ABRA: variants seen among roughly 807,000 people sequenced by gnomAD.
ABRA encodes the protein actin binding Rho activating protein, also known as actin-binding Rho-activating protein.
In ABRA, 25 loss-of-function variants were observed where a neutral mutation model predicts 33.4. The observed-to-expected ratio is 0.75, with a 90% CI of 0.55 to 1.04. The LOEUF (loss-of-function observed/expected upper bound fraction) is 1.04, where lower values mean the gene tolerates loss of function less well. ABRA is among the 50% of genes least tolerant of loss of function. The probability of loss-of-function intolerance (pLI) is 0.00; values close to 1 mark genes in which losing one functional copy is unlikely to be tolerated. For missense variants in ABRA, 501 were observed against 491.7 expected (o/e 1.02, Z -0.18); for synonymous variants, 193 against 176.8 (o/e 1.09, Z -0.73).
At chr8:106,764,003 T>C (rs1836173547) in intron 1 of ABRA, among the ~76,000 whole-genome samples, 1 of 152,242 alleles carries the variant, frequency 6.6e-6, no homozygotes, top group Non-Finnish European at 1.5e-5. Flanking sequence ...TTTGGGTTTA[T>C]GGTACAATCA....
chr8:106,761,189 T>A lies in ABRA; in HGVS notation c.994A>T (p.Thr332Ser), dbSNP rs1307014275. ...TATCTGTCAAAGAGATCTCCAAAAG[T>A]AACCTGGATCTTGCCATCTCGTCTG... is the stretch of plus-strand genomic sequence containing the variant. Reference protein sequence around the residue: ...RHRRDGKIQVTFGDLFDRYVR... With the variant: ...RHRRDGKIQVSFGDLFDRYVR... Residue 332 changes from threonine (T) to serine (S), a missense_variant, in exon 2 of 2, where the codon ACT becomes TCT. Coordinates refer to ENST00000311955, the MANE Select transcript of ABRA (RefSeq NM_139166.5). 2 of 1,614,214 alleles carry A rather than the reference T, an allele frequency of 1.2e-6. No individual in the cohort carries two copies. The highest frequency in any genetic ancestry group is 1.7e-6 in the Non-Finnish European group (2 of 1,180,040).
At chr8:106,765,105 G>A (rs900668412) in intron 1 of ABRA, among the ~76,000 whole-genome samples, 6 of 152,130 alleles carry the variant, frequency 3.9e-5, no homozygotes, top group Non-Finnish European at 5.9e-5. Flanking sequence ...AGAAAGCAAA[G>A]CGATATTTAA....
Position 106,770,158 on chromosome 8 carries a change from G to C in ABRA, c.33C>G (p.Gly11=), listed in dbSNP as rs756369761. 6 of 1,611,934 alleles carry C rather than the reference G, an allele frequency of 3.7e-6. No homozygotes were observed. The highest frequency in any genetic ancestry group is 5.1e-6 in the Non-Finnish European group (6 of 1,179,658). Reference sequence around the variant, plus strand: ...TCTTCCGGAGGGCGCTCTTGGCTGGGCCCTCCCCGCTTTCCTTTTCGCCCG... The same window carrying C: ...TCTTCCGGAGGGCGCTCTTGGCTGGCCCCTCCCCGCTTTCCTTTTCGCCCG... MAPGEKESGE[G]PAKSALRKIR... The change falls in exon 1 of 2, where the codon GGC becomes GGG. Residue 11 remains glycine (G), a synonymous_variant. Transcript: ENST00000311955.
At chr8:106,761,977 T>C (rs1260227675) in intron 1 of ABRA, among the ~76,000 whole-genome samples, 2 of 152,176 alleles carry the variant, frequency 1.3e-5, no homozygotes, top group Non-Finnish European at 1.5e-5. Context: ...ATATAGATTT[T>C]TATATGTGGA....
In ABRA at chr8:106,770,036, A is replaced by G. The variant is rs1409695675; in HGVS notation, c.155T>C (p.Leu52Pro). ...IRQAQEPTGWLPGGTQDSPQA... is the reference protein window; with the variant it reads ...IRQAQEPTGWPPGGTQDSPQA... ...AGGTGAGTCCTGGGTCCCTCCCGGC[A>G]GCCAGCCTGTAGGCTCCTGGGCCTG... Residue 52 changes from leucine (L) to proline (P), a missense_variant, in exon 1 of 2, where the codon CTG becomes CCG. Coordinates refer to ENST00000311955, the MANE Select transcript of ABRA (RefSeq NM_139166.5). 1.2e-6 allele frequency: 2 copies of G among 1,614,060 alleles called. No homozygotes were observed. The highest frequency in any genetic ancestry group is 3.3e-5 in the Admixed American group (2 of 60,008).
At chr8:106,763,140 C>T (rs929364363) in intron 1 of ABRA, among the ~76,000 whole-genome samples, 3 of 152,282 alleles carry the variant, frequency 2.0e-5, no homozygotes, top group Non-Finnish European at 2.9e-5. Context: ...ACTCACTTCC[C>T]GAAATCTGGT....
chr8:106,765,456 T>C (rs961978332), intron 1 of ABRA, among the ~76,000 whole-genome samples: 1 of 152,212 alleles, frequency 6.6e-6, no homozygotes, highest in Non-Finnish European at 1.5e-5. Context: ...CTCCTCCTCA[T>C]GCAGGCACCC....
intron 1 of ABRA, among the ~76,000 whole-genome samples, chr8:106,762,898 G>A (rs1836157910): frequency 6.6e-6 from 1 of 151,990 alleles, no homozygotes; most frequent in African/African-American, 2.4e-5. Flanking sequence ...GTTAAAACAC[G>A]AACTCTTGAA....
Position 106,761,309 on chromosome 8 carries a change from C to T in ABRA, c.874G>A (p.Gly292Arg), listed in dbSNP as rs1836135229. 2 of 1,614,162 alleles carry T rather than the reference C, an allele frequency of 1.2e-6. No homozygotes were observed. The highest frequency in any genetic ancestry group is 1.7e-6 in the Non-Finnish European group (2 of 1,180,032). The change falls in exon 2 of 2, where the codon GGA (glycine) becomes AGA (arginine). Residue 292 changes from glycine to arginine, a missense_variant. By Grantham distance (125) the Gly-to-Arg change is moderately radical (BLOSUM62 -2). Transcript: ENST00000311955. ...GDEGYGRPKE[G>R]TKTAERAKRA... Reference sequence around the variant, plus strand: ...TTGGCCCTTTCAGCAGTTTTGGTTCCTTCTTTGGGGCGGCCATAGCCCTCA... The same window carrying T: ...TTGGCCCTTTCAGCAGTTTTGGTTCTTTCTTTGGGGCGGCCATAGCCCTCA...
At chr8:106,767,814 T>C (rs1810521355) in intron 1 of ABRA, among the ~76,000 whole-genome samples, 1 of 152,170 alleles carries the variant, frequency 6.6e-6, no homozygotes, top group Non-Finnish European at 1.5e-5. Context: ...AAGACAGCTC[T>C]TTAGGCCGCG....
chr8:106,768,322 A>G (rs1174899132), intron 1 of ABRA, among the ~76,000 whole-genome samples: 1 of 152,208 alleles, frequency 6.6e-6, no homozygotes, highest in Admixed American at 6.5e-5. Flanking sequence ...CTGTCTTGAA[A>G]TAAAGCACGT....
chr8:106,762,037 C>T (rs1254453091), intron 1 of ABRA, among the ~76,000 whole-genome samples: 3 of 152,094 alleles, frequency 2.0e-5, no homozygotes, highest in Non-Finnish European at 2.9e-5. Flanking sequence ...CCACAAACTT[C>T]GAAATATGAA....
intron 1 of ABRA, among the ~76,000 whole-genome samples, chr8:106,762,442 T>C (rs898419322): frequency 6.6e-6 from 1 of 152,220 alleles, no homozygotes; most frequent in African/African-American, 2.4e-5. Flanking sequence ...GTTTTAAATG[T>C]GTATATCTTT....
chr8:106,765,483 CAA>C (rs1034360791), intron 1 of ABRA, among the ~76,000 whole-genome samples: 4 of 152,180 alleles, frequency 2.6e-5, no homozygotes, highest in East Asian at 1.9e-4. Context: ...GTCAGGAAAG[CAA>C]AGAGTCTCTG....
chr8:106,768,860 C>A (rs1484648470), intron 1 of ABRA, among the ~76,000 whole-genome samples: 1 of 152,176 alleles, frequency 6.6e-6, no homozygotes, highest in African/African-American at 2.4e-5. Flanking sequence ...TGGTCTCAAA[C>A]TCCTGGCCTC....
At chr8:106,767,828 G>C (rs1210297925) in intron 1 of ABRA, among the ~76,000 whole-genome samples, 6 of 152,066 alleles carry the variant, frequency 3.9e-5, no homozygotes, top group Non-Finnish European at 7.4e-5. Flanking sequence ...GGCCGCGTGC[G>C]GTGGCTCATG....
chr8:106,761,939 C>T (rs568439738), intron 1 of ABRA, among the ~76,000 whole-genome samples: 5 of 152,252 alleles, frequency 3.3e-5, no homozygotes, highest in African/African-American at 1.2e-4. Context: ...GACTCTACCA[C>T]TACACATGCA....
chr8:106,767,653 G>A (rs1288555594), intron 1 of ABRA, among the ~76,000 whole-genome samples: 1 of 152,210 alleles, frequency 6.6e-6, no homozygotes, highest in African/African-American at 2.4e-5. Flanking sequence ...AGGATTATGA[G>A]AAGTGAAGCG....
At chr8:106,763,793 A>G (rs1452596652) in intron 1 of ABRA, among the ~76,000 whole-genome samples, 2 of 152,182 alleles carry the variant, frequency 1.3e-5, no homozygotes, top group Non-Finnish European at 2.9e-5. Context: ...GTGATTTATT[A>G]ACTCATACTT....
Sources: allele counts gnomAD v4.1 joint callset (sites outside exome capture counted in the v4.1 genomes callset), GRCh38; gene constraint gnomAD v4.1.1; transcripts MANE v1.5; gene names NCBI Gene and HGNC (gene_info 2026-07-23, HGNC 2026-07-21).